Variants in ATP11A observed in about 807,000 individuals in gnomAD.
ATP11A encodes the protein ATPase phospholipid transporting 11A, also known as phospholipid-transporting ATPase IH.
A neutral mutation model predicts 154.4 loss-of-function variants in ATP11A; 81 were observed. The ratio of observed to expected loss-of-function variants is 0.52; its 90% CI spans 0.44 to 0.63. ATP11A has a LOEUF of 0.63. Among genes scored for constraint, ATP11A ranks in the 30% least tolerant of loss-of-function variants. The pLI is 0.00. For synonymous variants in ATP11A, 623 were observed against 585.9 expected (o/e 1.06, Z -0.91); for missense variants, 1,316 against 1,474.3 (o/e 0.89, Z 1.76).
chr13:112,881,944 C>A lies in ATP11A; in HGVS notation c.*78C>A, dbSNP rs199825696. ...GCTCCCACTCTCAGCAGGTGACACT[C>A]GCGGCCTGGAAGGAGAAGGTGTCCA... On this transcript the variant is annotated 3_prime_UTR_variant, in exon 30 of 30. Transcript: ENST00000375645. The A allele has an allele frequency of 5.3e-5, 72 of 1,367,674 alleles. No individual in the cohort carries two copies. The highest frequency in any genetic ancestry group is 3.9e-5 in the Non-Finnish European group (40 of 1,021,992). 84.7% of individuals were successfully genotyped at this position (1,367,674 alleles called of 1,614,324 possible).
chr13:112,712,677 G>A (rs1156452610), intron 1 of ATP11A, among the ~76,000 whole-genome samples: 1 of 152,244 alleles, frequency 6.6e-6, no homozygotes, highest in East Asian at 1.9e-4. Flanking sequence ...ACAGAGACTG[G>A]AAACCTGTTT....
intron 1 of ATP11A, among the ~76,000 whole-genome samples, chr13:112,763,309 G>A (rs1027341400): frequency 6.6e-6 from 1 of 152,060 alleles, no homozygotes; most frequent in African/African-American, 2.4e-5. Context: ...AGAGGGGCTC[G>A]GACAGGCCTC....
At chr13:112,706,622 A>G (rs759000528) in intron 1 of ATP11A, among the ~76,000 whole-genome samples, 3 of 152,252 alleles carry the variant, frequency 2.0e-5, no homozygotes, top group Non-Finnish European at 2.9e-5. Context: ...TTTGAAAATT[A>G]CATTTAAGAG....
chr13:112,872,497 G>A (rs767524202), intron 26 of ATP11A, among the ~76,000 whole-genome samples: 5 of 152,232 alleles, frequency 3.3e-5, no homozygotes, highest in Non-Finnish European at 7.3e-5. Context: ...TGTAATCCCA[G>A]CTACTTGGGA....
Position 112,865,159 on chromosome 13 carries a change from C to A in ATP11A, c.2991+2584C>A, listed in dbSNP as rs1158999436. Among the ~76,000 whole-genome samples, 6 of 68,030 alleles carry A rather than the reference C, an allele frequency of 8.8e-5. 2 individuals are homozygous for A. Among genetic ancestry groups the A allele is most frequent in the African/African-American group, 1.2e-4 (2 of 17,178 alleles). The allele number at this position is 68,030 out of a possible 152,430, so 44.6% of individuals were successfully genotyped here. ...CCTGCGCAGTAATTCAGTGCAGGCCCGCGCAGCTTCCCAGCGGGGTCCATC... is the reference window on the plus strand; with the variant it reads ...CCTGCGCAGTAATTCAGTGCAGGCCAGCGCAGCTTCCCAGCGGGGTCCATC... On this transcript the variant is annotated intron_variant, in intron 25 of 29. Coordinates refer to ENST00000375645, the MANE Select transcript of ATP11A (RefSeq NM_015205.3).
intron 29 of ATP11A, chr13:112,881,353 G>A (rs753964929): frequency 1.9e-5 from 19 of 1,023,558 alleles, no homozygotes; most frequent in East Asian, 9.5e-5. Flanking sequence ...AGCTGGGCAC[G>A]TCCAGTACTA....
At chr13:112,876,171 CAAAT>C (rs1251657392) in intron 28 of ATP11A, 3 of 392,902 alleles carry the variant, frequency 7.6e-6, no homozygotes, top group South Asian at 1.1e-4. Flanking sequence ...AAATGAGACA[CAAAT>C]AAGAGAAAAA....
intron 1 of ATP11A, among the ~76,000 whole-genome samples, chr13:112,725,487 T>C (rs1235138114): frequency 6.6e-6 from 1 of 152,124 alleles, no homozygotes; most frequent in African/African-American, 2.4e-5. Context: ...CCCACACCAG[T>C]CTGGAGTGAT....
In ATP11A at chr13:112,878,197, C is replaced by T. The variant is rs549195306; in HGVS notation, c.3328-20C>T. 6.8e-6 allele frequency: 11 copies of T among 1,612,624 alleles called. No individual in the cohort carries two copies. In the South Asian group the frequency reaches 1.2e-4, roughly 18 times the overall value. On this transcript the variant is annotated intron_variant, in intron 28 of 29. Transcript: ENST00000375645. ...TGTTCACACACCCCTGTGTGCGTGG[C>T]CGCTGACCTCGGGACTAAGACTAAG...
intron 12 of ATP11A, 106 bp downstream of exon 12, chr13:112,826,997 G>C: frequency 8.7e-7 from 1 of 1,152,380 alleles, no homozygotes; most frequent in African/African-American, 1.5e-5. Flanking sequence ...TGTACCTGTA[G>C]CTGGCGTAAG....
chr13:112,769,987 G>T (rs927609956), intron 1 of ATP11A, among the ~76,000 whole-genome samples: 1 of 152,216 alleles, frequency 6.6e-6, no homozygotes, highest in Non-Finnish European at 1.5e-5. Flanking sequence ...CGTTACGTTT[G>T]CTCCTGCTGC....
At chr13:112,747,052 T>A (rs1442726891) in intron 1 of ATP11A, 1 of 151,956 alleles carries the variant, frequency 6.6e-6, no homozygotes, top group Non-Finnish European at 1.5e-5. Flanking sequence ...ACCTCTGGCC[T>A]AGGTATGGAA....
intron 1 of ATP11A, among the ~76,000 whole-genome samples, chr13:112,736,827 A>G (rs1891047187): frequency 6.6e-6 from 1 of 152,224 alleles, no homozygotes; most frequent in African/African-American, 2.4e-5. Flanking sequence ...GCTTCAAAGG[A>G]CGCCATTATG....
At chr13:112,792,084 A>G (rs777580456) in intron 2 of ATP11A, among the ~76,000 whole-genome samples, 1 of 152,114 alleles carries the variant, frequency 6.6e-6, no homozygotes, top group Non-Finnish European at 1.5e-5. Context: ...CAGAGGTGGG[A>G]TTAGTAGCTT....
chr13:112,697,272 T>C lies in ATP11A; in HGVS notation c.39+6817T>C, dbSNP rs1225973959. The stretch of plus-strand genomic sequence containing the variant: ...TCTTCCCTCTCCATCAACATCCTTG[T>C]CCCAGGAAGAGGCGTCCACTGCCTG... On this transcript the variant is annotated intron_variant, in intron 1 of 29. Coordinates refer to ENST00000375645, the MANE Select transcript of ATP11A (RefSeq NM_015205.3). This position sits in a 1 kb window ranked among gnomAD's most constrained non-coding sequence, Gnocchi z 4.0. Among the ~76,000 whole-genome samples the C allele has an allele frequency of 6.6e-6, 1 of 152,106 alleles. No homozygotes were observed. The highest frequency in any genetic ancestry group is 2.4e-5 in the African/African-American group (1 of 41,432).
At chr13:112,816,996 TAGTC>T (rs1345342667) in intron 6 of ATP11A, among the ~76,000 whole-genome samples, 1 of 152,246 alleles carries the variant, frequency 6.6e-6, no homozygotes, top group African/African-American at 2.4e-5. Context: ...GAATGTATCT[TAGTC>T]AGGATTTTCT....
At chr13:112,728,587 T>C (rs1457680714) in intron 1 of ATP11A, among the ~76,000 whole-genome samples, 1 of 146,208 alleles carries the variant, frequency 6.8e-6, no homozygotes, top group Non-Finnish European at 1.5e-5. Flanking sequence ...GTTGTCACTA[T>C]CCACTCGTGG....
At chr13:112,721,107 C>A (rs958924069) in intron 1 of ATP11A, among the ~76,000 whole-genome samples, 12 of 152,264 alleles carry the variant, frequency 7.9e-5, no homozygotes, top group African/African-American at 2.6e-4. Context: ...GTATGTAAGG[C>A]CAGTCCTCTG....
chr13:112,819,843 C>T (rs769191729), intron 7 of ATP11A, 57 bp from the exon 8 acceptor site: 103 of 1,600,288 alleles, frequency 6.4e-5, no homozygotes, highest in Non-Finnish European at 8.2e-5. Context: ...GCCAGGCGCG[C>T]GCTTCCCGGG....
Sources: allele counts gnomAD v4.1 joint callset (sites outside exome capture counted in the v4.1 genomes callset), GRCh38; gene constraint gnomAD v4.1.1; non-coding constraint Gnocchi (gnomAD v3.1); transcripts MANE v1.5; gene names NCBI Gene and HGNC (gene_info 2026-07-23, HGNC 2026-07-21).